Variants in CASK observed in about 807,000 individuals in gnomAD.
CASK encodes peripheral plasma membrane protein CASK.
Under a neutral mutation model 82.9 loss-of-function variants are expected in CASK, and 4 were observed. The ratio of observed to expected loss-of-function variants is 0.05; its 90% CI spans 0.02 to 0.11. CASK has a LOEUF of 0.11. CASK is among the 10% of genes least tolerant of loss of function. The pLI is 1.00. For missense variants in CASK, 358 were observed against 720.9 expected (o/e 0.50, Z 5.76); for synonymous variants, 259 against 253.5 (o/e 1.02, Z -0.20).
intron 1 of CASK, among the ~76,000 whole-genome samples, chrX:41,873,047 T>C (rs1306959830): frequency 9.0e-6 from 1 of 111,015 alleles, no homozygotes; most frequent in Non-Finnish European, 1.9e-5. Flanking sequence ...TCAGAAGTAA[T>C]AACAAACAAA....
intron 1 of CASK, among the ~76,000 whole-genome samples, chrX:41,900,061 T>C (rs1298985959): frequency 1.8e-5 from 2 of 109,549 alleles, no homozygotes; most frequent in South Asian, 3.8e-4. Flanking sequence ...TTTTTTTTTT[T>C]CTTTCAGCGC....
intron 5 of CASK, among the ~76,000 whole-genome samples, chrX:41,698,963 G>A (rs1203395106): frequency 9.0e-6 from 1 of 111,274 alleles, no homozygotes; most frequent in Non-Finnish European, 1.9e-5. Flanking sequence ...GTCTCACTCT[G>A]TTGCCCAGGT....
intron 1 of CASK, among the ~76,000 whole-genome samples, chrX:41,906,039 A>T (rs1420206726): frequency 8.9e-6 from 1 of 112,593 alleles, no homozygotes; most frequent in African/African-American, 3.2e-5. Context: ...ATGTCTACTA[A>T]CCTATTTCAA....
At chrX:41,561,867 C>A in intron 16 of CASK, 1 of 371,542 alleles carries the variant, frequency 2.7e-6, no homozygotes, top group Non-Finnish European at 4.7e-6. Flanking sequence ...TGGATGGCTG[C>A]AGAAATCTAT....
intron 3 of CASK, among the ~76,000 whole-genome samples, chrX:41,772,125 C>T (rs1014973805): frequency 4.5e-5 from 5 of 110,080 alleles, no homozygotes; most frequent in Non-Finnish European, 7.6e-5. Context: ...CCGAGGCAGG[C>T]GGATCACTTG....
intron 1 of CASK, among the ~76,000 whole-genome samples, chrX:41,855,067 G>A (rs1446280967): frequency 1.8e-5 from 2 of 111,756 alleles, no homozygotes; most frequent in Non-Finnish European, 3.8e-5. Flanking sequence ...ATCTGTATGT[G>A]GGGTTGATTG....
intron 11 of CASK, among the ~76,000 whole-genome samples, chrX:41,612,501 C>T (rs1317731597): frequency 9.3e-6 from 1 of 107,575 alleles, no homozygotes; most frequent in African/African-American, 3.4e-5. Context: ...CGTCTCCGCC[C>T]GGCAGCCACC....
At chrX:41,713,195 T>C (rs2147636415) in intron 5 of CASK, among the ~76,000 whole-genome samples, 1 of 111,957 alleles carries the variant, frequency 8.9e-6, no homozygotes, top group South Asian at 3.7e-4. Context: ...GGGGAAAGGG[T>C]AAAACTGATA....
chrX:41,751,316 C>T (rs1207329118), intron 3 of CASK, among the ~76,000 whole-genome samples: 1 of 110,972 alleles, frequency 9.0e-6, no homozygotes, highest in Non-Finnish European at 1.9e-5. Flanking sequence ...CTGGAATTCC[C>T]GGGCTCAAAC....
chrX:41,614,092 A>T lies in CASK; in HGVS notation c.1034-4067T>A, dbSNP rs2066153500. Among the ~76,000 whole-genome samples, 4 of 112,145 alleles carry T rather than the reference A, an allele frequency of 3.6e-5. No homozygotes were observed. The Admixed American group carries it at 3.8e-4, about 11-fold the overall frequency. ...TTCCTCCAATAGTAACATCTTGCAA[A>T]ACTGTAGTACAATATCACAACCTGG... On this transcript the variant is annotated intron_variant, in intron 11 of 26. Coordinates refer to ENST00000378163, the MANE Select transcript of CASK (RefSeq NM_001367721.1).
At chrX:41,523,209 A>G (rs1172154452) in intron 26 of CASK, among the ~76,000 whole-genome samples, 2 of 112,762 alleles carry the variant, frequency 1.8e-5, no homozygotes, top group Non-Finnish European at 3.7e-5. Context: ...CCTCTTGCAG[A>G]TGAAATGACA....
intron 3 of CASK, among the ~76,000 whole-genome samples, chrX:41,771,912 C>CT (rs1042551999): frequency 1.3e-4 from 14 of 110,879 alleles, no homozygotes; most frequent in African/African-American, 3.9e-4. Flanking sequence ...AACTATATGC[C>CT]TTTAACAAGA....
At chrX:41,868,835 A>T (rs1257522609) in intron 1 of CASK, among the ~76,000 whole-genome samples, 1 of 111,467 alleles carries the variant, frequency 9.0e-6, no homozygotes, top group Non-Finnish European at 1.9e-5. Context: ...TCTGGGGCTC[A>T]TCTGCTATTG....
At chrX:41,783,637 C>A (rs538597921) in intron 3 of CASK, among the ~76,000 whole-genome samples, 1 of 110,874 alleles carries the variant, frequency 9.0e-6, no homozygotes, top group East Asian at 2.8e-4. Context: ...AAAACCTTAT[C>A]TTCAGGCCCC....
intron 2 of CASK, among the ~76,000 whole-genome samples, chrX:41,816,233 T>C (rs772641303): frequency 1.5e-4 from 17 of 111,979 alleles, no homozygotes; most frequent in Non-Finnish European, 2.6e-4. Context: ...TTCATGATAA[T>C]AACACAGTCA....
intron 3 of CASK, among the ~76,000 whole-genome samples, chrX:41,761,610 A>T (rs752442111): frequency 8.9e-6 from 1 of 112,460 alleles, no homozygotes; most frequent in East Asian, 2.8e-4. Flanking sequence ...CAAAAACAGA[A>T]GCACAAGCAT....
chrX:41,615,101 C>G (rs2066171345), intron 11 of CASK, among the ~76,000 whole-genome samples: 1 of 111,857 alleles, frequency 8.9e-6, no homozygotes, highest in Non-Finnish European at 1.9e-5. Context: ...CCACCATGCC[C>G]GGCTGGATAA....
At chrX:41,594,344 T>C (rs1230506482) in intron 12 of CASK, among the ~76,000 whole-genome samples, 2 of 111,651 alleles carry the variant, frequency 1.8e-5, no homozygotes, top group African/African-American at 6.5e-5. Flanking sequence ...GGAGAGGGGA[T>C]TGCACCCTCC....
At chrX:41,757,839 T>C (rs752008349) in intron 3 of CASK, among the ~76,000 whole-genome samples, 2 of 112,258 alleles carry the variant, frequency 1.8e-5, no homozygotes, top group African/African-American at 6.5e-5. Flanking sequence ...CCTTCTGGTC[T>C]GTACAATTGT....
Sources: allele counts gnomAD v4.1 joint callset (sites outside exome capture counted in the v4.1 genomes callset), GRCh38; gene constraint gnomAD v4.1.1; transcripts MANE v1.5; gene names NCBI Gene and HGNC (gene_info 2026-07-23, HGNC 2026-07-21).